The following NSMCE2 variants were observed in gnomAD, a reference collection of about 807,000 sequenced individuals.
NSMCE2 encodes the protein E3 SUMO-protein ligase NSE2.
In NSMCE2, 24 loss-of-function variants were observed where a neutral mutation model predicts 23.8. That is an observed-to-expected ratio of 1.01 (90% CI 0.73 to 1.42). The LOEUF (loss-of-function observed/expected upper bound fraction) is 1.42. Ranked by LOEUF, NSMCE2 falls within the 40% of genes most tolerant of loss-of-function variation. The pLI is 0.00. For synonymous variants in NSMCE2, 92 were observed against 94.1 expected (o/e 0.98, Z 0.13); for missense variants, 284 against 296.5 (o/e 0.96, Z 0.31).
Position 125,095,340 on chromosome 8 carries a change from AG to A in NSMCE2, c.-111+3383del, listed in dbSNP as rs563029333. Among the ~76,000 whole-genome samples the A allele has an allele frequency of 4.7e-4, 72 of 152,278 alleles. 1 individual carries two copies. Among genetic ancestry groups the A allele is most frequent in the Middle Eastern group, 3.4e-3 (1 of 294 alleles). ...CATGGTGTCTCATGCCTATAATCCC[AG>A]CACTTGAGAGGCCGAGTTGGGAGGA... On this transcript the variant is annotated intron_variant, in intron 1 of 7. Coordinates refer to ENST00000287437, the MANE Select transcript of NSMCE2 (RefSeq NM_173685.4).
intron 5 of NSMCE2, among the ~76,000 whole-genome samples, chr8:125,314,399 C>G (rs947381546): frequency 1.1e-4 from 17 of 152,210 alleles, no homozygotes; most frequent in Non-Finnish European, 1.8e-4. Flanking sequence ...AAGCGATTCT[C>G]CTGCCTCAGC....
chr8:125,357,460 C>T, intron 6 of NSMCE2, 141 bp downstream of exon 6: 1 of 681,436 alleles, frequency 1.5e-6, no homozygotes, highest in East Asian at 2.7e-5. Flanking sequence ...GAAGAGTATC[C>T]ACGGGAGGTT....
chr8:125,159,720 A>G (rs553446063), intron 4 of NSMCE2, among the ~76,000 whole-genome samples: 6 of 152,124 alleles, frequency 3.9e-5, no homozygotes, highest in African/African-American at 1.4e-4. Flanking sequence ...ATTAGTCTCA[A>G]ATTGCTCAGT....
chr8:125,110,352 T>G (rs1209324553), intron 3 of NSMCE2, among the ~76,000 whole-genome samples: 3 of 152,220 alleles, frequency 2.0e-5, no homozygotes, highest in Non-Finnish European at 4.4e-5. Flanking sequence ...TTTCTGTGAT[T>G]TCGGAGCTAT....
intron 5 of NSMCE2, among the ~76,000 whole-genome samples, chr8:125,255,152 G>A (rs530273519): frequency 6.6e-6 from 1 of 152,124 alleles, no homozygotes; most frequent in African/African-American, 2.4e-5. Context: ...TCAGCTGTAT[G>A]AATGAGCCAT....
At chr8:125,156,719 A>G (rs1821334243) in intron 4 of NSMCE2, among the ~76,000 whole-genome samples, 1 of 152,216 alleles carries the variant, frequency 6.6e-6, no homozygotes, top group South Asian at 2.1e-4. Context: ...ATTGAAACCA[A>G]AGCAATCTTA....
At chr8:125,135,029 T>C (rs1314950834) in intron 3 of NSMCE2, among the ~76,000 whole-genome samples, 1 of 152,148 alleles carries the variant, frequency 6.6e-6, no homozygotes, top group Non-Finnish European at 1.5e-5. Flanking sequence ...CACCTCAGCC[T>C]CCTGAGTAGC....
intron 4 of NSMCE2, among the ~76,000 whole-genome samples, chr8:125,158,706 T>A (rs1439800645): frequency 6.6e-6 from 1 of 151,432 alleles, no homozygotes; most frequent in East Asian, 1.9e-4. Flanking sequence ...GATGTCAATT[T>A]AACTTCCTTC....
At chr8:125,206,205 G>A (rs1215786961) in intron 5 of NSMCE2, among the ~76,000 whole-genome samples, 2 of 152,176 alleles carry the variant, frequency 1.3e-5, no homozygotes, top group African/African-American at 4.8e-5. Flanking sequence ...GAAGTCACAG[G>A]ACTTGAGGAA....
intron 5 of NSMCE2, among the ~76,000 whole-genome samples, chr8:125,269,649 T>C (rs561905058): frequency 2.0e-5 from 3 of 152,370 alleles, no homozygotes; most frequent in African/African-American, 7.2e-5. Flanking sequence ...TTTTATGCTT[T>C]GAGTATTTGC....
chr8:125,143,785 G>C (rs993519529), intron 3 of NSMCE2, among the ~76,000 whole-genome samples: 2 of 152,120 alleles, frequency 1.3e-5, no homozygotes, highest in African/African-American at 4.8e-5. Flanking sequence ...GGAATAAGTA[G>C]GTGAAATTTG....
In NSMCE2 at chr8:125,102,393, G is replaced by A. The variant is rs142411288; in HGVS notation, c.63G>A (p.Glu21=). The A allele has an allele frequency of 2.0e-5, 33 of 1,613,368 alleles. No homozygotes were observed. The highest frequency in any genetic ancestry group is 4.0e-5 in the African/African-American group (3 of 74,874). The change falls in exon 3 of 8, where the codon GAG becomes GAA. Residue 21 remains glutamate (E), a synonymous_variant. Transcript: ENST00000287437. ...STGFISFSGV[E]SALSSLKNFQ... ...GTTTCATCTCCTTCAGTGGTGTAGA[G>A]TCTGCTCTCTCCTCCTTGAAAAACT...
chr8:125,333,640 A>G (rs367961402), intron 5 of NSMCE2, among the ~76,000 whole-genome samples: 1,820 of 144,102 alleles, frequency 0.013, 9 homozygotes, highest in Middle Eastern at 0.026. Flanking sequence ...TCAGCCTCCC[A>G]AGTAGCTAGG....
intron 3 of NSMCE2, among the ~76,000 whole-genome samples, chr8:125,147,888 G>A (rs1378681166): frequency 6.6e-6 from 1 of 152,134 alleles, no homozygotes; most frequent in Non-Finnish European, 1.5e-5. Flanking sequence ...AATTGCTGTG[G>A]CAGGTTGCTA....
At chr8:125,347,158 C>T (rs1040956213) in intron 5 of NSMCE2, among the ~76,000 whole-genome samples, 6 of 152,128 alleles carry the variant, frequency 3.9e-5, no homozygotes, top group Admixed American at 2.6e-4. Context: ...AAGTAAGTAC[C>T]ATTAGTATCT....
At chr8:125,343,921 G>A (rs1364359139) in intron 5 of NSMCE2, among the ~76,000 whole-genome samples, 1 of 152,148 alleles carries the variant, frequency 6.6e-6, no homozygotes, top group African/African-American at 2.4e-5. Context: ...CAGGAGAATG[G>A]CATGAACCTG....
intron 5 of NSMCE2, among the ~76,000 whole-genome samples, chr8:125,277,268 C>T (rs1827486441): frequency 1.3e-5 from 2 of 152,138 alleles, no homozygotes; most frequent in African/African-American, 4.8e-5. Context: ...TGTGCTCACC[C>T]TGCATCATTC....
intron 5 of NSMCE2, among the ~76,000 whole-genome samples, chr8:125,249,731 T>C (rs1310346412): frequency 6.6e-6 from 1 of 152,222 alleles, no homozygotes; most frequent in African/African-American, 2.4e-5. Flanking sequence ...TCAGTGCTTA[T>C]GTGGGCATCA....
chr8:125,344,751 A>AG (rs571035791), intron 5 of NSMCE2, among the ~76,000 whole-genome samples: 146 of 151,764 alleles, frequency 9.6e-4, no homozygotes, highest in Non-Finnish European at 1.8e-3. Flanking sequence ...TCAAAAAAAA[A>AG]AAAAGAAAAG....
Sources: gnomAD v4.1 joint callset for allele counts (sites outside exome capture counted in the v4.1 genomes callset) on GRCh38, gnomAD v4.1.1 for gene constraint, MANE v1.5 for transcripts, NCBI Gene and HGNC (gene_info 2026-07-23, HGNC 2026-07-21) for gene names.